The following UPRT variants were observed in gnomAD, a reference collection of about 807,000 sequenced individuals.
UPRT encodes uracil phosphoribosyltransferase homolog.
UPRT carries 5 observed loss-of-function variants against 22.6 expected under a neutral mutation model. That is an observed-to-expected ratio of 0.22 (90% CI 0.12 to 0.47). The LOEUF (loss-of-function observed/expected upper bound fraction) is 0.47, where lower values mean the gene tolerates loss of function less well. Ranked by LOEUF, UPRT falls within the 20% of genes least tolerant of loss-of-function variation. The pLI, the probability that UPRT is intolerant of heterozygous loss-of-function variation, is 0.99. For synonymous variants in UPRT, 77 were observed against 87.7 expected (o/e 0.88, Z 0.68); for missense variants, 181 against 239.9 (o/e 0.75, Z 1.62).
At chrX:75,240,399 T>C (rs760912321) in intron 4 of UPRT, among the ~76,000 whole-genome samples, 2 of 110,686 alleles carry the variant, frequency 1.8e-5, no homozygotes, top group African/African-American at 3.3e-5. Flanking sequence ...ACCAAAGAGG[T>C]AAAATATCTG....
intron 4 of UPRT, among the ~76,000 whole-genome samples, chrX:75,192,260 G>T (rs2147618923): frequency 9.0e-6 from 1 of 111,211 alleles, no homozygotes. Flanking sequence ...CTATGTAATT[G>T]TCTGGTGTTG....
rs1197168067 is a variant in UPRT, at chrX:75,234,125, G to A, written c.-446-56899G>A. On this transcript the variant is annotated intron_variant, in intron 4 of 13. Coordinates refer to the UPRT transcript ENST00000652605. Reference sequence around the variant, plus strand: ...GCAAATGGAAAACAAAAAAAGGCAGGGGTTGCAATCCTAGTCTCTGATAAA... The same window carrying A: ...GCAAATGGAAAACAAAAAAAGGCAGAGGTTGCAATCCTAGTCTCTGATAAA... Among the ~76,000 whole-genome samples the A allele has an allele frequency of 3.6e-5, 4 of 110,213 alleles. No homozygotes were observed. The East Asian group carries it at 1.1e-3, about 31-fold the overall frequency.
At chrX:75,302,566 C>T (rs1304303565) in intron 6 of UPRT, among the ~76,000 whole-genome samples, 1 of 110,958 alleles carries the variant, frequency 9.0e-6, no homozygotes, top group Non-Finnish European at 1.9e-5. Context: ...TTACATTTAC[C>T]ATGTACATTT....
At chrX:75,279,697 T>A in intron 1 of UPRT, among the ~76,000 whole-genome samples, 1 of 111,424 alleles carries the variant, frequency 9.0e-6, no homozygotes, top group Non-Finnish European at 1.9e-5. Context: ...TTTGATTACA[T>A]GAGTAAGTTC....
intron 1 of UPRT, 125 bp downstream of exon 1, chrX:75,274,765 C>A (rs1285947437): frequency 2.8e-6 from 2 of 718,580 alleles, no homozygotes; most frequent in Non-Finnish European, 3.9e-6. Flanking sequence ...TGGGGTAAGA[C>A]CTTTTATTTG....
intron 4 of UPRT, among the ~76,000 whole-genome samples, chrX:75,223,044 T>A (rs1814365465): frequency 9.1e-6 from 1 of 109,880 alleles, no homozygotes; most frequent in Non-Finnish European, 1.9e-5. Context: ...GGGTCCTTAG[T>A]CAACAGTTGA....
At chrX:75,231,024 G>T (rs190799953) in intron 4 of UPRT, among the ~76,000 whole-genome samples, 197 of 81,582 alleles carry the variant, frequency 2.4e-3, no homozygotes, top group Admixed American at 3.9e-3. Flanking sequence ...AGTAATTCTG[G>T]TAATATGACA....
Position 75,244,644 on chromosome X carries a change from A to G in UPRT, c.-446-46380A>G, listed in dbSNP as rs781197091. Reference sequence around the variant, plus strand: ...CACACCTATAATCATCTGATTTTTGACAAAGTTGACCACAACAAGCAACAG... The same window carrying G: ...CACACCTATAATCATCTGATTTTTGGCAAAGTTGACCACAACAAGCAACAG... On this transcript the variant is annotated intron_variant, in intron 4 of 13. Transcript: ENST00000652605. Among the ~76,000 whole-genome samples the G allele has an allele frequency of 5.4e-5, 6 of 111,657 alleles. No homozygotes were observed. In the South Asian group the frequency reaches 2.2e-3, roughly 42 times the overall value.
At chrX:75,237,910 G>A (rs1458043304) in intron 4 of UPRT, among the ~76,000 whole-genome samples, 1 of 109,586 alleles carries the variant, frequency 9.1e-6, no homozygotes, top group Non-Finnish European at 1.9e-5. Flanking sequence ...TAACTAACCT[G>A]CACATTGTGC....
At chrX:75,212,149 C>T (rs763195295) in intron 4 of UPRT, among the ~76,000 whole-genome samples, 20 of 112,003 alleles carry the variant, frequency 1.8e-4, no homozygotes, top group South Asian at 7.4e-4. Context: ...AAATGGCAGG[C>T]GGCTTACAAA....
chrX:75,265,741 A>C (rs1046464894), intron 4 of UPRT, among the ~76,000 whole-genome samples: 7 of 111,106 alleles, frequency 6.3e-5, no homozygotes, highest in Non-Finnish European at 1.3e-4. Context: ...GTTCCTTTGG[A>C]GGAGGCGAGG....
At chrX:75,237,165 A>G (rs192412052) in intron 4 of UPRT, among the ~76,000 whole-genome samples, 1 of 112,714 alleles carries the variant, frequency 8.9e-6, no homozygotes, top group East Asian at 2.8e-4. Flanking sequence ...TCTCAAAAGA[A>G]GACATTTATG....
At chrX:75,258,103 G>T (rs1391530395) in intron 4 of UPRT, among the ~76,000 whole-genome samples, 1 of 109,498 alleles carries the variant, frequency 9.1e-6, no homozygotes, top group African/African-American at 3.3e-5. Context: ...CAGACCTGGA[G>T]ATTCCCTCTG....
intron 4 of UPRT, among the ~76,000 whole-genome samples, chrX:75,182,742 A>T (rs757005639): frequency 1.8e-5 from 2 of 111,104 alleles, no homozygotes; most frequent in East Asian, 5.7e-4. Context: ...TCTCTGTTTT[A>T]TTATTAGTCT....
chrX:75,238,366 A>T (rs1014568078), intron 4 of UPRT, among the ~76,000 whole-genome samples: 7 of 111,994 alleles, frequency 6.3e-5, no homozygotes. Context: ...TAAAGCAACA[A>T]CAGTTAAAAC....
At position 75,158,206 on chromosome X, in the gene UPRT, C is replaced by T. The variant is rs751367734; in HGVS notation, c.-737+1656C>T. 6.3e-5 allele frequency among the ~76,000 whole-genome samples: 7 copies of T among 111,557 alleles called. No homozygotes were observed. In the South Asian group the frequency reaches 1.9e-3, roughly 30 times the overall value. ...ATTTCCAGGGCACCCAGAAATAGAA[C>T]GTGAGGCATAATAAGAGTTGCACAC... On this transcript the variant is annotated intron_variant, in intron 1 of 13. Transcript: ENST00000652605.
chrX:75,182,893 T>A (rs181418439), intron 4 of UPRT, among the ~76,000 whole-genome samples: 160 of 111,204 alleles, frequency 1.4e-3, no homozygotes, highest in Non-Finnish European at 2.3e-3. Context: ...CTAGCTTTGA[T>A]ATTGGTTTGC....
At chrX:75,278,112 G>T (rs2082638727) in intron 1 of UPRT, among the ~76,000 whole-genome samples, 1 of 111,343 alleles carries the variant, frequency 9.0e-6, no homozygotes, top group African/African-American at 3.3e-5. Context: ...TCCGATAATA[G>T]AAGCCACTGG....
chrX:75,278,202 A>G (rs1452217953), intron 1 of UPRT, among the ~76,000 whole-genome samples: 1 of 111,796 alleles, frequency 8.9e-6, no homozygotes, highest in Non-Finnish European at 1.9e-5. Flanking sequence ...TGACTTTGGT[A>G]TGGGGAAATC....
Sources: allele counts gnomAD v4.1 joint callset (sites outside exome capture counted in the v4.1 genomes callset), GRCh38; gene constraint gnomAD v4.1.1; transcripts MANE v1.5; gene names NCBI Gene and HGNC (gene_info 2026-07-23, HGNC 2026-07-21).